ERGIC1: variants seen among roughly 807,000 people sequenced by gnomAD.
The protein encoded by ERGIC1 is endoplasmic reticulum-golgi intermediate compartment 1, also known as endoplasmic reticulum-Golgi intermediate compartment protein 1.
ERGIC1 carries 19 observed loss-of-function variants against 38.3 expected under a neutral mutation model. The ratio of observed to expected loss-of-function variants is 0.50; its 90% CI spans 0.35 to 0.73. ERGIC1 has a LOEUF of 0.73. Among genes scored for constraint, ERGIC1 ranks in the 30% least tolerant of loss-of-function variants. The pLI, the probability that ERGIC1 is intolerant of heterozygous loss-of-function variation, is 0.01. For missense variants in ERGIC1, 294 were observed against 389.2 expected (o/e 0.76, Z 2.06); for synonymous variants, 124 against 157.6 (o/e 0.79, Z 1.60).
intron 1 of ERGIC1, among the ~76,000 whole-genome samples, chr5:172,862,520 C>G (rs1453824174): frequency 1.3e-5 from 2 of 152,114 alleles, no homozygotes; most frequent in Non-Finnish European, 2.9e-5. Context: ...GATCCCTTTT[C>G]CTTGAAGAAT....
rs1473296740 is a variant in ERGIC1, at chr5:172,914,898, C to T, written c.375+60C>T. The T allele has an allele frequency of 3.1e-6, 5 of 1,610,280 alleles. No individual in the cohort carries two copies. In the African/African-American group the frequency reaches 6.7e-5, roughly 21 times the overall value. ...TCCCCTTTCCTGCTGTCTCCCCGCT[C>T]CCTGGAAACTGGTTGTGGAGGCACT... On this transcript the variant is annotated intron_variant, in intron 5 of 9. Transcript: ENST00000393784.
intron 5 of ERGIC1, chr5:172,918,307 A>G (rs1561735575): frequency 1.3e-5 from 2 of 152,236 alleles, no homozygotes; most frequent in South Asian, 2.1e-4. Flanking sequence ...TATGCATTTT[A>G]CGCATTAAAA....
chr5:172,949,965 C>G (rs891321955), intron 9 of ERGIC1, among the ~76,000 whole-genome samples: 1 of 152,054 alleles, frequency 6.6e-6, no homozygotes, highest in Non-Finnish European at 1.5e-5. Context: ...CCCAGCTACT[C>G]GGGAGGCTGA....
At chr5:172,876,485 A>G (rs116041349) in intron 1 of ERGIC1, among the ~76,000 whole-genome samples, 2,537 of 152,320 alleles carry the variant, frequency 0.017, 90 homozygotes, top group African/African-American at 0.058. Context: ...AAGGCTTGTT[A>G]CTTGTTTTTA....
At position 172,926,396 on chromosome 5, in the gene ERGIC1, A is replaced by T; in HGVS notation, c.481-113A>T. ...CACAAATCCGCTGGAGCCCCCTTTT[A>T]CACATTGGTAGGGTTCCTAGACCAG... On this transcript the variant is annotated intron_variant, in intron 6 of 9. Transcript: ENST00000393784. This position sits in a 1 kb window ranked among gnomAD's most constrained non-coding sequence, Gnocchi z 5.2. 8.7e-7 allele frequency: 1 copy of T among 1,146,060 alleles called. No homozygotes were observed. Among genetic ancestry groups the T allele is most frequent in the Non-Finnish European group, 1.3e-6 (1 of 772,180 alleles). The allele number at this position is 1,146,060 out of a possible 1,614,324, so 71.0% of individuals were successfully genotyped here. A position where few individuals can be genotyped will look rare whatever the true frequency, so the allele number is the denominator to read the frequency against.
At chr5:172,877,460 T>TATATATA (rs1561713741) in intron 1 of ERGIC1, among the ~76,000 whole-genome samples, 1 of 74,668 alleles carries the variant, frequency 1.3e-5, no homozygotes, top group African/African-American at 5.0e-5. Flanking sequence ...ATATATATAT[T>TATATATA]TTTTTTTTTT....
At position 172,950,735 on chromosome 5, in the gene ERGIC1, C is replaced by T; in HGVS notation, c.792C>T (p.Phe264=). The T allele has an allele frequency of 6.2e-7, 1 of 1,613,080 alleles. No homozygotes were observed. The highest frequency in any genetic ancestry group is 8.5e-7 in the Non-Finnish European group (1 of 1,179,226). Residue 264 remains phenylalanine, a synonymous_variant, in exon 10 of 10, where the codon TTC becomes TTT. Coordinates refer to ENST00000393784, the MANE Select transcript of ERGIC1 (RefSeq NM_001031711.3). ...TTICAIIGGT[F]TVAGILDSCI... ...TCTGTGCCATCATTGGCGGGACCTT[C>T]ACCGTCGCCGGCATCCTGGACTCAT...
At chr5:172,870,059 C>G (rs767087919) in intron 1 of ERGIC1, among the ~76,000 whole-genome samples, 4 of 152,212 alleles carry the variant, frequency 2.6e-5, no homozygotes, top group Non-Finnish European at 5.9e-5. Flanking sequence ...TTTTATGTCT[C>G]TCTCTCTCTT....
chr5:172,858,404 G>A (rs543851301), intron 1 of ERGIC1, among the ~76,000 whole-genome samples: 5 of 152,262 alleles, frequency 3.3e-5, no homozygotes, highest in African/African-American at 4.8e-5. Flanking sequence ...GCGAAGGGAA[G>A]AGCGGACCCA....
At chr5:172,854,082 G>C (rs1327100942) in intron 1 of ERGIC1, among the ~76,000 whole-genome samples, 1 of 152,126 alleles carries the variant, frequency 6.6e-6, no homozygotes, top group African/African-American at 2.4e-5. Context: ...CCCCATTTTA[G>C]AGATTAAACT....
At chr5:172,892,857 G>A (rs1762602663) in intron 2 of ERGIC1, among the ~76,000 whole-genome samples, 1 of 152,208 alleles carries the variant, frequency 6.6e-6, no homozygotes, top group African/African-American at 2.4e-5. Context: ...TCTGGGGTAA[G>A]GGTAACACAC....
rs150678706 is a variant in ERGIC1, at chr5:172,906,301, G to A, written c.156-3366G>A. 6.8e-3 allele frequency: 2,624 copies of A among 384,586 alleles called. 16 individuals are homozygous for A. Among genetic ancestry groups the A allele is most frequent in the Non-Finnish European group, 9.8e-3 (1,893 of 193,428 alleles). 23.8% of individuals were successfully genotyped at this position (384,586 alleles called of 1,614,324 possible). ...GCAGCCTGAGCTGTGGAAAGGCTGG[G>A]TTGAGATTCTAGCTCGGCCATTTCC... On this transcript the variant is annotated intron_variant, in intron 3 of 9. Transcript: ENST00000393784.
At chr5:172,923,475 A>G (rs907220969) in intron 5 of ERGIC1, among the ~76,000 whole-genome samples, 4 of 152,174 alleles carry the variant, frequency 2.6e-5, no homozygotes, top group Non-Finnish European at 5.9e-5. Context: ...ATACTCATCC[A>G]GCACCTCTTG....
intron 2 of ERGIC1, among the ~76,000 whole-genome samples, chr5:172,896,199 T>A (rs1762717216): frequency 6.6e-6 from 1 of 151,788 alleles, no homozygotes; most frequent in Admixed American, 6.6e-5. Flanking sequence ...AAAAATTAGC[T>A]GGGTGTCGTA....
chr5:172,893,895 A>ATGTGTGTGTGTGTG (rs1419709086), intron 2 of ERGIC1, among the ~76,000 whole-genome samples: 1 of 17,894 alleles, frequency 5.6e-5, no homozygotes. Context: ...ATATATATAT[A>ATGTGTGTGTGTGTG]TATATATATA....
intron 2 of ERGIC1, among the ~76,000 whole-genome samples, chr5:172,889,135 T>G (rs1762498138): frequency 6.6e-6 from 1 of 151,884 alleles, no homozygotes; most frequent in Non-Finnish European, 1.5e-5. Flanking sequence ...AAATACAAAA[T>G]TAGCCAGGCA....
intron 1 of ERGIC1, among the ~76,000 whole-genome samples, chr5:172,863,860 T>C (rs1487085148): frequency 6.6e-6 from 1 of 152,164 alleles, no homozygotes; most frequent in Non-Finnish European, 1.5e-5. Flanking sequence ...ATCTACTCTC[T>C]GAAGAAATAC....
rs752704562 is a variant in ERGIC1 at position 172,950,749 on chromosome 5, T to C, written c.806T>C (p.Ile269Thr). Reference sequence around the variant, plus strand: ...GGCGGGACCTTCACCGTCGCCGGCATCCTGGACTCATGCATCTTCACAGCC... The same window carrying C: ...GGCGGGACCTTCACCGTCGCCGGCACCCTGGACTCATGCATCTTCACAGCC... ...IIGGTFTVAG[I>T]LDSCIFTASE... The change falls in exon 10 of 10, where the codon ATC (isoleucine) becomes ACC (threonine). Residue 269 changes from isoleucine to threonine, a missense_variant. Ile to Thr is a moderately conservative substitution (Grantham distance 89). Around this residue, in one of 3 missense-constraint regions of ERGIC1, gnomAD observed 22 missense variants for 50.7 expected, o/e 0.43. Transcript: ENST00000393784. 4 of 1,613,350 alleles carry C rather than the reference T, an allele frequency of 2.5e-6. No homozygotes were observed. In the Admixed American group the frequency reaches 6.7e-5, roughly 27 times the overall value.
chr5:172,863,425 G>A (rs745862674), intron 1 of ERGIC1, among the ~76,000 whole-genome samples: 2 of 152,124 alleles, frequency 1.3e-5, no homozygotes, highest in African/African-American at 2.4e-5. Flanking sequence ...ACCTAAAACC[G>A]TCTCAGGTAC....
Sources: gnomAD v4.1 joint callset for allele counts (sites outside exome capture counted in the v4.1 genomes callset) on GRCh38, gnomAD v4.1.1 for gene constraint, gnomAD v4.1.1 regional missense constraint, Gnocchi (gnomAD v3.1) non-coding constraint, MANE v1.5 for transcripts, NCBI Gene and HGNC (gene_info 2026-07-23, HGNC 2026-07-21) for gene names.